The following LRRIQ1 variants were observed in gnomAD, a reference collection of about 807,000 sequenced individuals.
LRRIQ1 encodes leucine rich repeats and IQ motif containing 1, also known as leucine-rich repeat- and IQ domain-containing protein 1.
A neutral mutation model predicts 211.9 loss-of-function variants in LRRIQ1; 210 were observed. The observed-to-expected ratio is 0.99, with a 90% CI of 0.89 to 1.11. LRRIQ1 has a LOEUF of 1.11. Ranked by LOEUF, LRRIQ1 falls within the 50% of genes most tolerant of loss-of-function variation. LRRIQ1 has a pLI of 0.00. For missense variants in LRRIQ1, 2,136 were observed against 1,939.5 expected, an observed-to-expected ratio of 1.10 and a Z score of -1.90; for synonymous variants, 699 against 650.1, an observed-to-expected ratio of 1.08 and a Z score of -1.14.
chr12:85,155,743 A>G (rs964911406), intron 23 of LRRIQ1, among the ~76,000 whole-genome samples: 2 of 151,700 alleles, frequency 1.3e-5, no homozygotes, highest in South Asian at 2.1e-4. Context: ...AAGCAGAGGA[A>G]AAGCTTAGCT....
At position 85,182,928 on chromosome 12, in the gene LRRIQ1, T is replaced by G. The variant is rs541137425; in HGVS notation, c.4822+22214T>G. On this transcript the variant is annotated intron_variant, in intron 24 of 26. Coordinates refer to ENST00000393217, the MANE Select transcript of LRRIQ1 (RefSeq NM_001079910.2). Reference sequence around the variant, plus strand: ...AGTGCTCTCCATGGGTCAGAGCTGCTCTGCTGGCAGAGTGCAAACCCAGTT... The same window carrying G: ...AGTGCTCTCCATGGGTCAGAGCTGCGCTGCTGGCAGAGTGCAAACCCAGTT... Among the ~76,000 whole-genome samples, 68 of 152,248 alleles carry G rather than the reference T, an allele frequency of 4.5e-4. 2 individuals are homozygous for G. In the South Asian group the frequency reaches 0.014, roughly 31 times the overall value.
chr12:85,098,481 A>T lies in LRRIQ1; in HGVS notation c.3014A>T (p.Asp1005Val). 6.2e-7 allele frequency: 1 copy of T among 1,612,002 alleles called. No individual in the cohort carries two copies. Among genetic ancestry groups the T allele is most frequent in the Non-Finnish European group, 8.5e-7 (1 of 1,179,084 alleles). ...GATTGCTCCCATAATCATCTTACTG[A>T]TGTAGAGGGCGTTGAAAATTGTGGA... The part of the protein sequence containing the change: ...YLDCSHNHLT[D>V]VEGVENCGLL... The change falls in exon 12 of 27, where the codon GAT (aspartate) becomes GTT (valine). Residue 1005 changes from aspartate to valine, a missense_variant. Asp to Val is a radical substitution (Grantham distance 152). Transcript: ENST00000393217.
At chr12:85,198,270 A>G (rs1394716529) in intron 24 of LRRIQ1, among the ~76,000 whole-genome samples, 4 of 148,332 alleles carry the variant, frequency 2.7e-5, no homozygotes, top group African/African-American at 1.0e-4. Context: ...TGCAATGAAC[A>G]TACGTGTCCA....
chr12:85,163,264 A>G (rs921718257), intron 24 of LRRIQ1, among the ~76,000 whole-genome samples: 1 of 152,196 alleles, frequency 6.6e-6, no homozygotes, highest in Non-Finnish European at 1.5e-5. Context: ...CATAACCATC[A>G]CCAAATCTAG....
intron 24 of LRRIQ1, among the ~76,000 whole-genome samples, chr12:85,189,665 A>G (rs1892393762): frequency 6.6e-6 from 1 of 151,262 alleles, no homozygotes; most frequent in Admixed American, 6.6e-5. Flanking sequence ...TATTTTTGGT[A>G]CAAACTTTTT....
chr12:85,059,727 A>C lies in LRRIQ1; in HGVS notation c.2391+2543A>C, dbSNP rs12312464. Reference sequence around the variant, plus strand: ...TTGATGAATAAAGAATTCCAGTCGAAATATTTAATGTAGAGGACGGGTTGA... The same window carrying C: ...TTGATGAATAAAGAATTCCAGTCGACATATTTAATGTAGAGGACGGGTTGA... On this transcript the variant is annotated intron_variant, in intron 8 of 26. Transcript: ENST00000393217. 1.7e-3 allele frequency among the ~76,000 whole-genome samples: 256 copies of C among 152,096 alleles called. 2 individuals carry two copies. The highest frequency in any genetic ancestry group is 5.9e-3 in the African/African-American group (247 of 41,532).
intron 24 of LRRIQ1, among the ~76,000 whole-genome samples, chr12:85,197,928 T>C (rs1476769069): frequency 2.7e-5 from 3 of 111,154 alleles, no homozygotes; most frequent in Middle Eastern, 3.9e-3. Context: ...ATATATATAA[T>C]ATAATTATAT....
At chr12:85,178,405 A>C (rs905408568) in intron 24 of LRRIQ1, among the ~76,000 whole-genome samples, 1 of 151,960 alleles carries the variant, frequency 6.6e-6, no homozygotes, top group Non-Finnish European at 1.5e-5. Context: ...CAGTCTAATC[A>C]GTGTCTTTAT....
intron 24 of LRRIQ1, among the ~76,000 whole-genome samples, chr12:85,189,666 C>T (rs1359062199): frequency 1.3e-5 from 2 of 150,720 alleles, no homozygotes; most frequent in African/African-American, 4.9e-5. Context: ...ATTTTTGGTA[C>T]AAACTTTTTA....
intron 18 of LRRIQ1, among the ~76,000 whole-genome samples, chr12:85,137,522 G>T (rs372115550): frequency 2.0e-5 from 3 of 151,384 alleles, no homozygotes; most frequent in African/African-American, 7.3e-5. Flanking sequence ...AATGGGTTTT[G>T]CTTTGTATCT....
At chr12:85,131,123 A>C (rs1242951713) in intron 18 of LRRIQ1, among the ~76,000 whole-genome samples, 1 of 151,558 alleles carries the variant, frequency 6.6e-6, no homozygotes, top group African/African-American at 2.4e-5. Context: ...AGACATGAGA[A>C]TCTCTTGAAC....
intron 1 of LRRIQ1, among the ~76,000 whole-genome samples, chr12:85,261,765 T>TTTTATTTA (rs375693906): frequency 0.21 from 28,956 of 139,494 alleles, 3,090 homozygotes; most frequent in Non-Finnish European, 0.23. Flanking sequence ...TTTTTGTTTA[T>TTTTATTTA]TTTATTTATT....
intron 15 of LRRIQ1, among the ~76,000 whole-genome samples, chr12:85,116,503 A>G (rs551690420): frequency 6.6e-6 from 1 of 151,768 alleles, no homozygotes; most frequent in Admixed American, 6.6e-5. Context: ...AGCTTACCCC[A>G]ACCTATCAGC....
chr12:85,148,214 A>G (rs1890018335), intron 19 of LRRIQ1, among the ~76,000 whole-genome samples: 1 of 151,764 alleles, frequency 6.6e-6, no homozygotes, highest in Non-Finnish European at 1.5e-5. Flanking sequence ...ATACAAGTGC[A>G]GAACATGCAG....
intron 24 of LRRIQ1, among the ~76,000 whole-genome samples, chr12:85,166,651 G>A (rs1188783536): frequency 6.6e-6 from 1 of 152,168 alleles, no homozygotes; most frequent in Admixed American, 6.5e-5. Flanking sequence ...GCTGTTTATA[G>A]TACTTGCTAA....
intron 18 of LRRIQ1, among the ~76,000 whole-genome samples, chr12:85,128,585 T>G (rs576248336): frequency 6.6e-6 from 1 of 152,150 alleles, no homozygotes; most frequent in South Asian, 2.1e-4. Flanking sequence ...GGATATAGAG[T>G]GAGACCTTGT....
chr12:85,205,678 A>T (rs1383327635), intron 24 of LRRIQ1, among the ~76,000 whole-genome samples: 1 of 152,194 alleles, frequency 6.6e-6, no homozygotes, highest in Non-Finnish European at 1.5e-5. Context: ...CATGGATGAT[A>T]TGCTGAAATA....
At chr12:85,145,242 G>A (rs1427655869) in intron 19 of LRRIQ1, among the ~76,000 whole-genome samples, 1 of 151,444 alleles carries the variant, frequency 6.6e-6, no homozygotes, top group African/African-American at 2.4e-5. Flanking sequence ...ATATTAGAAT[G>A]TTTTCAGTTA....
In LRRIQ1 at chr12:85,124,556, T is replaced by C. The variant is rs575886383; in HGVS notation, c.4007+37T>C. ...AAATAATGTTTCTTTTATAGATGTA[T>C]GTTTACTCCTTTTGATGGATGATAT... On this transcript the variant is annotated intron_variant, in intron 17 of 26. Transcript: ENST00000393217. 1.0e-4 allele frequency: 151 copies of C among 1,469,820 alleles called. 2 individuals carry two copies. The South Asian group carries it at 1.6e-3, about 16-fold the overall frequency. 91.0% of individuals were successfully genotyped at this position (1,469,820 alleles called of 1,614,324 possible).
Sources: allele counts gnomAD v4.1 joint callset (sites outside exome capture counted in the v4.1 genomes callset), GRCh38; gene constraint gnomAD v4.1.1; transcripts MANE v1.5; gene names NCBI Gene and HGNC (gene_info 2026-07-23, HGNC 2026-07-21).